CDH20: variants seen among roughly 807,000 people sequenced by gnomAD.
CDH20 encodes cadherin-20.
Under a neutral mutation model 74.2 loss-of-function variants are expected in CDH20, and 29 were observed. The ratio of observed to expected loss-of-function variants is 0.39; its 90% confidence interval spans 0.29 to 0.53. The LOEUF is 0.53. Ranked by LOEUF, CDH20 falls within the 20% of genes least tolerant of loss-of-function variation. The pLI is 0.69. For missense variants in CDH20, 988 were observed against 1,048.3 expected (o/e 0.94, Z 0.79); for synonymous variants, 469 against 405.4 (o/e 1.16, Z -1.88).
intron 5 of CDH20, 141 bp from the exon 6 acceptor site, chr18:61,507,232 T>C: frequency 2.7e-6 from 2 of 735,446 alleles, no homozygotes; most frequent in Admixed American, 2.9e-5. Context: ...TGGACCTTAG[T>C]TTTTATCTGT....
chr18:61,552,401 A>T (rs906650183), intron 11 of CDH20, among the ~76,000 whole-genome samples: 13 of 144,682 alleles, frequency 9.0e-5, no homozygotes, highest in African/African-American at 2.8e-4. Flanking sequence ...AGATTACCTT[A>T]AAAAAAAAAA....
chr18:61,352,747 A>G (rs183973540), intron 1 of CDH20, among the ~76,000 whole-genome samples: 2 of 152,252 alleles, frequency 1.3e-5, no homozygotes, highest in East Asian at 3.9e-4. Context: ...GGCTGTTTTG[A>G]CCAATTCTTG....
At chr18:61,537,158 T>G (rs961122134) in intron 8 of CDH20, among the ~76,000 whole-genome samples, 1 of 152,052 alleles carries the variant, frequency 6.6e-6, no homozygotes, top group Non-Finnish European at 1.5e-5. Context: ...AATTAGATTA[T>G]GTACTACTAC....
chr18:61,399,750 G>A (rs1049472861), intron 1 of CDH20, among the ~76,000 whole-genome samples: 1 of 152,222 alleles, frequency 6.6e-6, no homozygotes. Flanking sequence ...TCTTAAATCA[G>A]CCTCTTTTTA....
chr18:61,536,747 T>C (rs1912830796), intron 8 of CDH20, 118 bp downstream of exon 8: 5 of 878,618 alleles, frequency 5.7e-6, no homozygotes, highest in Non-Finnish European at 8.8e-6. Context: ...GAAATGGAAA[T>C]CATGCTTTAT....
intron 4 of CDH20, among the ~76,000 whole-genome samples, chr18:61,501,688 G>A (rs763582078): frequency 2.0e-5 from 3 of 152,136 alleles, no homozygotes; most frequent in Admixed American, 6.5e-5. Flanking sequence ...AAAGTAGTAA[G>A]GGAGTGTAAA....
chr18:61,496,126 C>T (rs529764642), intron 2 of CDH20, among the ~76,000 whole-genome samples: 8 of 52,978 alleles, frequency 1.5e-4, no homozygotes, highest in East Asian at 5.8e-4. Flanking sequence ...TCCTCTCCCC[C>T]TCTCTCCTCC....
chr18:61,415,115 C>T (rs1912640948), intron 1 of CDH20, among the ~76,000 whole-genome samples: 2 of 152,064 alleles, frequency 1.3e-5, no homozygotes, highest in South Asian at 4.1e-4. Context: ...TCTTTTGTGG[C>T]TTTTTGCTAT....
chr18:61,365,702 G>A (rs1330311414), intron 1 of CDH20, among the ~76,000 whole-genome samples: 1 of 152,052 alleles, frequency 6.6e-6, no homozygotes, highest in African/African-American at 2.4e-5. Flanking sequence ...AACTCCTGTA[G>A]TTCTAGTAGG....
At chr18:61,460,481 A>T (rs1341485899) in intron 1 of CDH20, among the ~76,000 whole-genome samples, 1 of 152,242 alleles carries the variant, frequency 6.6e-6, no homozygotes, top group Non-Finnish European at 1.5e-5. Context: ...CAGAAGCCTT[A>T]TGCAGGGCAG....
rs80117571 is a variant in CDH20 at position 61,345,572 on chromosome 18, G to T, written c.-153+11745G>T. 9.0e-3 allele frequency among the ~76,000 whole-genome samples: 1,376 copies of T among 152,208 alleles called. 20 individuals carry two copies. The highest frequency in any genetic ancestry group is 0.032 in the African/African-American group (1,319 of 41,528). On this transcript the variant is annotated intron_variant, in intron 1 of 11. Transcript: ENST00000262717. ...GGTACCATTCCTTCATGTCAAATTGGGGCTTGAAGAACATTTATATGAATT... is the reference window on the plus strand; with the variant it reads ...GGTACCATTCCTTCATGTCAAATTGTGGCTTGAAGAACATTTATATGAATT...
chr18:61,534,986 C>T (rs766107894), intron 7 of CDH20, among the ~76,000 whole-genome samples: 33 of 151,932 alleles, frequency 2.2e-4, no homozygotes, highest in Admixed American at 4.6e-4. Flanking sequence ...CCACATTGTA[C>T]GCCATAAATA....
intron 1 of CDH20, among the ~76,000 whole-genome samples, chr18:61,414,229 A>G (rs75967925): frequency 0.023 from 3,565 of 152,256 alleles, 76 homozygotes; most frequent in Non-Finnish European, 0.029. Context: ...GAACAGATGC[A>G]AAGTGTGGAC....
At chr18:61,435,363 C>T (rs1908797732) in intron 1 of CDH20, among the ~76,000 whole-genome samples, 1 of 152,092 alleles carries the variant, frequency 6.6e-6, no homozygotes, top group Non-Finnish European at 1.5e-5. Flanking sequence ...ATACTCTGCC[C>T]TTTTTCCTCC....
Position 61,532,729 on chromosome 18 carries a change from A to T in CDH20, c.1272-3764A>T, listed in dbSNP as rs185788321. Among the ~76,000 whole-genome samples, 175 of 152,296 alleles carry T rather than the reference A, an allele frequency of 1.1e-3. 1 individual carries two copies. The highest frequency in any genetic ancestry group is 4.0e-3 in the African/African-American group (165 of 41,564). On this transcript the variant is annotated intron_variant, in intron 7 of 11. Coordinates refer to ENST00000262717, the MANE Select transcript of CDH20 (RefSeq NM_031891.4). ...CTAAGCTACATCTGAAAAACAATGC[A>T]CTATAGTAAAGAAAATGTTTATTCC...
At chr18:61,518,893 C>T (rs905493334) in intron 6 of CDH20, among the ~76,000 whole-genome samples, 6 of 151,156 alleles carry the variant, frequency 4.0e-5, no homozygotes, top group Admixed American at 1.3e-4. Flanking sequence ...AGAGGAATTG[C>T]TAACTAGAAT....
chr18:61,336,077 T>C (rs527374875), intron 1 of CDH20, among the ~76,000 whole-genome samples: 11 of 151,990 alleles, frequency 7.2e-5, no homozygotes, highest in Non-Finnish European at 1.3e-4. Context: ...AGAGGAGAGA[T>C]TGAGAGTTGT....
intron 1 of CDH20, among the ~76,000 whole-genome samples, chr18:61,474,187 T>C (rs1000684577): frequency 6.6e-6 from 1 of 152,168 alleles, no homozygotes; most frequent in Non-Finnish European, 1.5e-5. Context: ...GATTTCTAAA[T>C]CTCCCTAAGC....
intron 9 of CDH20, among the ~76,000 whole-genome samples, chr18:61,542,945 T>C (rs996882389): frequency 6.6e-5 from 10 of 152,182 alleles, no homozygotes; most frequent in Admixed American, 6.5e-4. Context: ...GGGATCCACC[T>C]GGATGACCCC....
Sources: allele counts gnomAD v4.1 joint callset (sites outside exome capture counted in the v4.1 genomes callset), GRCh38; gene constraint gnomAD v4.1.1; transcripts MANE v1.5; gene names NCBI Gene and HGNC (gene_info 2026-07-23, HGNC 2026-07-21).